ASB5: variants seen among roughly 807,000 people sequenced by gnomAD.
ASB5 encodes the protein ankyrin repeat and SOCS box protein 5.
In ASB5, 45 loss-of-function variants were observed where a neutral mutation model predicts 42.1. The observed-to-expected ratio is 1.07, with a 90% confidence interval of 0.84 to 1.37. The LOEUF (loss-of-function observed/expected upper bound fraction) is 1.37. Ranked by LOEUF, ASB5 falls within the 40% of genes most tolerant of loss-of-function variation. The probability of loss-of-function intolerance (pLI) is 0.00; values close to 1 mark genes in which losing one functional copy is unlikely to be tolerated. For synonymous variants in ASB5, 147 were observed against 150.6 expected (o/e 0.98, Z 0.18); for missense variants, 402 against 399.8 (o/e 1.01, Z -0.05).
intron 1 of ASB5, among the ~76,000 whole-genome samples, chr4:176,263,016 T>G (rs1754291912): frequency 6.6e-6 from 1 of 152,194 alleles, no homozygotes; most frequent in Non-Finnish European, 1.5e-5. Flanking sequence ...GTGTATAGTC[T>G]AATGGAAGAT....
At chr4:176,234,287 C>T (rs1036171730) in intron 1 of ASB5, among the ~76,000 whole-genome samples, 1 of 152,310 alleles carries the variant, frequency 6.6e-6, no homozygotes, top group African/African-American at 2.4e-5. Flanking sequence ...GGGTTCTACC[C>T]ACTTTTTCCT....
At chr4:176,254,964 T>C (rs528530290) in intron 1 of ASB5, among the ~76,000 whole-genome samples, 119 of 152,214 alleles carry the variant, frequency 7.8e-4, no homozygotes, top group African/African-American at 2.8e-3. Flanking sequence ...ACCCCATCTC[T>C]ACCAAAAATA....
intron 1 of ASB5, among the ~76,000 whole-genome samples, chr4:176,230,956 C>A (rs1381683866): frequency 6.6e-6 from 1 of 152,154 alleles, no homozygotes; most frequent in Non-Finnish European, 1.5e-5. Context: ...CTGTAACTTT[C>A]ACCATGCTAA....
At position 176,239,237 on chromosome 4, in the gene ASB5, G is replaced by A. The variant is rs868339954; in HGVS notation, c.197-13896C>T. On this transcript the variant is annotated intron_variant, in intron 1 of 6. Coordinates refer to ENST00000296525, the MANE Select transcript of ASB5 (RefSeq NM_080874.4). ...CGCCTGGTTTGTACTTATAAGGGGA[G>A]TACGGTAATCTACACAAACCATACA... Among the ~76,000 whole-genome samples, 15 of 151,874 alleles carry A rather than the reference G, an allele frequency of 9.9e-5. No individual in the cohort carries two copies. The South Asian group carries it at 2.3e-3, about 23-fold the overall frequency.
chr4:176,271,168 C>A (rs1754462418), upstream of ASB5, among the ~76,000 whole-genome samples: 1 of 152,128 alleles, frequency 6.6e-6, no homozygotes, highest in Admixed American at 6.5e-5. Context: ...TTATGAATTA[C>A]TTGATTCCCA....
intron 1 of ASB5, among the ~76,000 whole-genome samples, chr4:176,228,809 G>C (rs1028167543): frequency 2.6e-5 from 4 of 152,036 alleles, no homozygotes; most frequent in Non-Finnish European, 5.9e-5. Context: ...TGTTCTTTTG[G>C]GGAAAGCATT....
At chr4:176,233,554 C>T (rs552373720) in intron 1 of ASB5, among the ~76,000 whole-genome samples, 72 of 152,258 alleles carry the variant, frequency 4.7e-4, no homozygotes, top group Non-Finnish European at 9.1e-4. Context: ...ATAATATGGT[C>T]TCAAATTTAA....
At chr4:176,242,137 C>T (rs1753824240) in intron 1 of ASB5, among the ~76,000 whole-genome samples, 1 of 151,984 alleles carries the variant, frequency 6.6e-6, no homozygotes, top group African/African-American at 2.4e-5. Context: ...CTTCCTCACA[C>T]TGCCATCCAA....
intron 1 of ASB5, among the ~76,000 whole-genome samples, chr4:176,234,754 C>T (rs1420746506): frequency 6.6e-6 from 1 of 152,134 alleles, no homozygotes. Context: ...GAGGCATATC[C>T]GAATTGGACT....
At chr4:176,217,526 T>C (rs188712027) in intron 5 of ASB5, among the ~76,000 whole-genome samples, 112 of 152,206 alleles carry the variant, frequency 7.4e-4, no homozygotes, top group African/African-American at 2.6e-3. Flanking sequence ...TGTATATAGA[T>C]TTTCCTGCCA....
At chr4:176,244,780 T>A (rs1332208380) in intron 1 of ASB5, among the ~76,000 whole-genome samples, 1 of 152,130 alleles carries the variant, frequency 6.6e-6, no homozygotes, top group Admixed American at 6.5e-5. Flanking sequence ...TAGCTGGGCA[T>A]GGTGACATGT....
rs548849346 is a variant in ASB5, at chr4:176,264,130, A to G, written c.196+4783T>C. Among the ~76,000 whole-genome samples the G allele has an allele frequency of 3.9e-5, 6 of 152,326 alleles. No individual in the cohort carries two copies. In the South Asian group the frequency reaches 1.2e-3, roughly 32 times the overall value. On this transcript the variant is annotated intron_variant, in intron 1 of 6. Transcript: ENST00000296525. ...TAAATATTCTATATGATGATTCTAC[A>G]TACATTGTGTATTCTACATAAAATC...
In ASB5 at chr4:176,221,467, T is replaced by C; in HGVS notation, c.518A>G (p.His173Arg). ...TAAGTTACCTTTACTGGCGGCCTCA[T>C]GCGTTGGGGATGGAAGACATGACTC... ...QLESCLPSPTHEAASKGHHEC... is the reference protein window; with the variant it reads ...QLESCLPSPTREAASKGHHEC... Residue 173 changes from histidine (H) to arginine (R), a missense_variant, in exon 4 of 7, where the codon CAT (histidine) becomes CGT (arginine). Physicochemically the swap from His to Arg is conservative, Grantham distance 29. Transcript: ENST00000296525. 1 of 1,613,716 alleles carries C rather than the reference T, an allele frequency of 6.2e-7. No individual in the cohort carries two copies. The highest frequency in any genetic ancestry group is 8.5e-7 in the Non-Finnish European group (1 of 1,179,896).
At chr4:176,253,378 C>T (rs140577243) in intron 1 of ASB5, among the ~76,000 whole-genome samples, 184 of 152,178 alleles carry the variant, frequency 1.2e-3, no homozygotes, top group African/African-American at 4.2e-3. Context: ...TGGTATTTTA[C>T]CAAGTTTCAA....
chr4:176,220,801 A>G (rs1299090129), intron 5 of ASB5, among the ~76,000 whole-genome samples: 1 of 152,206 alleles, frequency 6.6e-6, no homozygotes, highest in Non-Finnish European at 1.5e-5. Flanking sequence ...TTGTTCCAAG[A>G]CATATACATA....
chr4:176,240,323 A>C (rs1753785140), intron 1 of ASB5, among the ~76,000 whole-genome samples: 2 of 152,188 alleles, frequency 1.3e-5, no homozygotes, highest in South Asian at 4.1e-4. Context: ...AAAATGTTAA[A>C]CCTTATAGGA....
chr4:176,221,711 G>A, intron 3 of ASB5, 111 bp from the exon 4 acceptor site: 1 of 1,043,588 alleles, frequency 9.6e-7, no homozygotes, highest in Middle Eastern at 2.2e-4. Context: ...GTAGGAAAAT[G>A]TGCACATTAA....
chr4:176,249,789 G>T (rs1357417939), intron 1 of ASB5, among the ~76,000 whole-genome samples: 2 of 152,116 alleles, frequency 1.3e-5, no homozygotes, highest in Non-Finnish European at 2.9e-5. Flanking sequence ...GAGTTGGCCG[G>T]GCGCGGTGGC....
intron 1 of ASB5, among the ~76,000 whole-genome samples, chr4:176,228,147 A>G (rs953392530): frequency 3.9e-5 from 6 of 152,222 alleles, no homozygotes; most frequent in African/African-American, 1.2e-4. Context: ...GAAAATTAAA[A>G]GTACTTTTCT....
Sources: allele counts gnomAD v4.1 joint callset (sites outside exome capture counted in the v4.1 genomes callset), GRCh38; gene constraint gnomAD v4.1.1; transcripts MANE v1.5; gene names NCBI Gene and HGNC (gene_info 2026-07-23, HGNC 2026-07-21).